XXYLT1: variants seen among roughly 807,000 people sequenced by gnomAD.
XXYLT1 encodes the protein xyloside xylosyltransferase 1.
Under a neutral mutation model 28.9 loss-of-function variants are expected in XXYLT1, and 20 were observed. The ratio of observed to expected loss-of-function variants is 0.69; its 90% CI spans 0.49 to 1.00. The LOEUF (loss-of-function observed/expected upper bound fraction) is 1.00. Among genes scored for constraint, XXYLT1 ranks in the 50% least tolerant of loss-of-function variants. The pLI is 0.00. For synonymous variants in XXYLT1, 257 were observed against 253.8 expected (o/e 1.01, Z -0.12); for missense variants, 542 against 560.1 (o/e 0.97, Z 0.33).
Position 195,124,640 on chromosome 3 carries a change from A to T in XXYLT1, c.785+31809T>A, listed in dbSNP as rs1296318887. Among the ~76,000 whole-genome samples the T allele has an allele frequency of 6.6e-6, 1 of 152,192 alleles. No individual in the cohort carries two copies. The highest frequency in any genetic ancestry group is 1.5e-5 in the Non-Finnish European group (1 of 68,028). On this transcript the variant is annotated intron_variant, in intron 3 of 3. Transcript: ENST00000310380. This position sits in a 1 kb window ranked among gnomAD's most constrained non-coding sequence, Gnocchi z 4.1. Reference sequence around the variant, plus strand: ...GGAAATATTTGCTGACAGACTGATAAACTAATGAGCACATGCCTTACTGTC... The same window carrying T: ...GGAAATATTTGCTGACAGACTGATATACTAATGAGCACATGCCTTACTGTC...
intron 1 of XXYLT1, among the ~76,000 whole-genome samples, chr3:195,251,286 T>C (rs138125273): frequency 0.012 from 1,793 of 152,316 alleles, 28 homozygotes; most frequent in African/African-American, 0.041. Flanking sequence ...ATGACCAATA[T>C]GGGTAGAGCC....
intron 2 of XXYLT1, among the ~76,000 whole-genome samples, chr3:195,172,319 G>A (rs757297181): frequency 1.2e-4 from 19 of 152,148 alleles, no homozygotes; most frequent in African/African-American, 3.6e-4. Context: ...GAAGTGTTTC[G>A]CTCAGGAGGA....
chr3:195,260,252 G>C (rs1348535698), intron 1 of XXYLT1, among the ~76,000 whole-genome samples: 1 of 150,910 alleles, frequency 6.6e-6, no homozygotes, highest in Non-Finnish European at 1.5e-5. Flanking sequence ...CCGTGTGTCG[G>C]CCCCGGGCGG....
intron 3 of XXYLT1, among the ~76,000 whole-genome samples, chr3:195,134,826 GGTGTGTGTGTGTGTGTGTGT>G (rs3073321): frequency 4.1e-5 from 6 of 145,482 alleles, no homozygotes; most frequent in African/African-American, 7.7e-5. Context: ...CGTGAAGAGG[GGTGTGTGTGTGTGTGTGTGT>G]GTGTGTGTGT....
At chr3:195,156,360 T>C (rs1455809605) in intron 3 of XXYLT1, 89 bp downstream of exon 3, 1 of 1,553,580 alleles carries the variant, frequency 6.4e-7, no homozygotes, top group African/African-American at 1.4e-5. Flanking sequence ...CGGACGCCAC[T>C]AAATCCCAAT....
chr3:195,112,414 GCACA>G (rs1034306002), intron 3 of XXYLT1, among the ~76,000 whole-genome samples: 1 of 144,418 alleles, frequency 6.9e-6, no homozygotes, highest in Middle Eastern at 3.5e-3. Context: ...GCACGTGCGC[GCACA>G]CACACACATG....
chr3:195,158,378 G>A (rs1720711467), intron 2 of XXYLT1, among the ~76,000 whole-genome samples: 1 of 152,204 alleles, frequency 6.6e-6, no homozygotes. Flanking sequence ...GCGGGGCTCA[G>A]GACCATCAGA....
intron 1 of XXYLT1, among the ~76,000 whole-genome samples, chr3:195,268,069 T>C (rs1307295390): frequency 2.0e-5 from 3 of 152,142 alleles, no homozygotes; most frequent in Non-Finnish European, 4.4e-5. Context: ...AGAGAATTGC[T>C]TGAGCTCAGG....
chr3:195,217,693 G>T (rs1409984849), intron 2 of XXYLT1, among the ~76,000 whole-genome samples: 1 of 151,780 alleles, frequency 6.6e-6, no homozygotes, highest in South Asian at 2.1e-4. Context: ...AACATGCCAT[G>T]CTCATGGGTA....
Position 195,069,921 on chromosome 3 carries a change from C to A in XXYLT1, c.976G>T (p.Gly326Cys). The change falls in exon 4 of 4, where the codon GGC becomes TGC. Residue 326 changes from glycine to cysteine, a missense_variant. Physicochemically the swap from Gly to Cys is radical, Grantham distance 159. Coordinates refer to ENST00000310380, the MANE Select transcript of XXYLT1 (RefSeq NM_152531.5). ...AAGAAGTCCTGGTCCCCGAGGTGGC[C>A]GCGGAAGTGGTACTTGTCGGCCAGC... ...QQLADKYHFR[G>C]HLGDQDFFTM... The A allele has an allele frequency of 1.9e-6, 3 of 1,613,684 alleles. No homozygotes were observed. Among genetic ancestry groups the A allele is most frequent in the South Asian group, 2.2e-5 (2 of 91,082 alleles).
intron 2 of XXYLT1, among the ~76,000 whole-genome samples, chr3:195,221,631 A>G (rs1252249804): frequency 6.6e-6 from 1 of 152,200 alleles, no homozygotes; most frequent in Admixed American, 6.5e-5. Flanking sequence ...AGCACAGCCC[A>G]TACTGCTGAG....
intron 3 of XXYLT1, among the ~76,000 whole-genome samples, chr3:195,130,117 C>A (rs1718831455): frequency 6.6e-6 from 1 of 152,332 alleles, no homozygotes; most frequent in Admixed American, 6.5e-5. Flanking sequence ...GAATGTCTCT[C>A]CTGCCATTCT....
At chr3:195,074,668 C>A (rs559854225) in intron 3 of XXYLT1, among the ~76,000 whole-genome samples, 1 of 152,196 alleles carries the variant, frequency 6.6e-6, no homozygotes, top group Non-Finnish European at 1.5e-5. Context: ...TGGGTGATGT[C>A]GGCTAATTTC....
intron 3 of XXYLT1, among the ~76,000 whole-genome samples, chr3:195,142,372 C>T (rs1719537976): frequency 6.6e-6 from 1 of 152,220 alleles, no homozygotes; most frequent in South Asian, 2.1e-4. Flanking sequence ...CTCATTCAGA[C>T]TGCTCACACT....
chr3:195,270,476 C>T, intron 1 of XXYLT1, 79 bp downstream of exon 1: 2 of 1,344,732 alleles, frequency 1.5e-6, no homozygotes, highest in Non-Finnish European at 1.9e-6. Flanking sequence ...TTCCCCGGAT[C>T]CCCTCCGGGA....
Position 195,255,612 on chromosome 3 carries a change from G to A in XXYLT1, c.504+14943C>T, listed in dbSNP as rs976784214. ...TAGAAACCAAAACAGAAGACAAACC[G>A]GCGCACAGAGCAAGCACAGCGTAGA... is the stretch of plus-strand genomic sequence containing the variant. On this transcript the variant is annotated intron_variant, in intron 1 of 3. Transcript: ENST00000310380. This position sits in a 1 kb window ranked among gnomAD's most constrained non-coding sequence, Gnocchi z 4.5. Among the ~76,000 whole-genome samples, 4 of 152,162 alleles carry A rather than the reference G, an allele frequency of 2.6e-5. No homozygotes were observed. The highest frequency in any genetic ancestry group is 2.9e-5 in the Non-Finnish European group (2 of 68,036).
chr3:195,132,337 C>T (rs1271187113), intron 3 of XXYLT1, among the ~76,000 whole-genome samples: 1 of 152,044 alleles, frequency 6.6e-6, no homozygotes, highest in East Asian at 1.9e-4. Flanking sequence ...CATGGCAGTG[C>T]GCGCCTATAG....
At chr3:195,103,724 C>T (rs1716936226) in intron 3 of XXYLT1, among the ~76,000 whole-genome samples, 1 of 152,116 alleles carries the variant, frequency 6.6e-6, no homozygotes, top group African/African-American at 2.4e-5. Flanking sequence ...GAAATTCAGG[C>T]CCTGAGAAAC....
chr3:195,168,502 GC>G lies in XXYLT1; in HGVS notation c.653-11922del, dbSNP rs1721238609. Among the ~76,000 whole-genome samples, 1 of 150,946 alleles carries G rather than the reference GC, an allele frequency of 6.6e-6. No homozygotes were observed. Among genetic ancestry groups the G allele is most frequent in the African/African-American group, 2.5e-5 (1 of 40,236 alleles). ...CTAAATATCCTCTGCTGCCACTGCT[GC>G]AGCTGCTTCCATCCTACCCTGGTCC... On this transcript the variant is annotated intron_variant, in intron 2 of 3. Transcript: ENST00000310380. This position sits in a 1 kb window ranked among gnomAD's most constrained non-coding sequence, Gnocchi z 4.3.
Sources: allele counts gnomAD v4.1 joint callset (sites outside exome capture counted in the v4.1 genomes callset), GRCh38; gene constraint gnomAD v4.1.1; non-coding constraint Gnocchi (gnomAD v3.1); transcripts MANE v1.5; gene names NCBI Gene and HGNC (gene_info 2026-07-23, HGNC 2026-07-21).